Variants in FRMD4A observed in about 807,000 individuals in gnomAD.
FRMD4A encodes FERM domain containing 4A.
FRMD4A carries 29 observed loss-of-function variants against 129.1 expected under a neutral mutation model. The ratio of observed to expected loss-of-function variants is 0.22; its 90% confidence interval spans 0.17 to 0.31. The LOEUF (loss-of-function observed/expected upper bound fraction) is 0.31, where lower values mean the gene tolerates loss of function less well. Ranked by LOEUF, FRMD4A falls within the 10% of genes least tolerant of loss-of-function variation. FRMD4A has a pLI of 1.00. For synonymous variants in FRMD4A, 634 were observed against 571.6 expected (o/e 1.11, Z -1.56); for missense variants, 1,272 against 1,375.8 (o/e 0.92, Z 1.19).
intron 2 of FRMD4A, among the ~76,000 whole-genome samples, chr10:14,285,496 G>A (rs1303911038): frequency 6.6e-6 from 1 of 152,204 alleles, no homozygotes; most frequent in Non-Finnish European, 1.5e-5. Context: ...GCCCATGGAG[G>A]CATGTGGAAA....
At chr10:14,149,918 G>T (rs1174011262) in intron 2 of FRMD4A, among the ~76,000 whole-genome samples, 2 of 152,194 alleles carry the variant, frequency 1.3e-5, no homozygotes, top group African/African-American at 2.4e-5. Flanking sequence ...AAGAAAAGAG[G>T]TTTAATTGAT....
intron 2 of FRMD4A, among the ~76,000 whole-genome samples, chr10:14,123,847 A>G (rs1306267585): frequency 6.6e-6 from 1 of 152,144 alleles, no homozygotes; most frequent in African/African-American, 2.4e-5. Context: ...GCTTGCTTGT[A>G]TCTATCTAAA....
chr10:13,691,449 G>T (rs561292043), intron 15 of FRMD4A, among the ~76,000 whole-genome samples: 2 of 152,062 alleles, frequency 1.3e-5, no homozygotes, highest in Non-Finnish European at 2.9e-5. Flanking sequence ...CCAGGACACG[G>T]GCTTAAAACT....
intron 2 of FRMD4A, among the ~76,000 whole-genome samples, chr10:13,892,397 C>T (rs1401387529): frequency 2.6e-5 from 4 of 152,228 alleles, no homozygotes; most frequent in East Asian, 1.9e-4. Flanking sequence ...CAAGGCTTCG[C>T]GACAATGACT....
At chr10:14,225,015 T>C (rs1437541970) in intron 2 of FRMD4A, among the ~76,000 whole-genome samples, 1 of 152,056 alleles carries the variant, frequency 6.6e-6, no homozygotes, top group East Asian at 1.9e-4. Flanking sequence ...ACTCTAAAAA[T>C]CCCTAAAAAT....
intron 2 of FRMD4A, among the ~76,000 whole-genome samples, chr10:13,862,780 G>A (rs2094311809): frequency 6.6e-6 from 1 of 152,174 alleles, no homozygotes; most frequent in Non-Finnish European, 1.5e-5. Flanking sequence ...AGAGTATCCT[G>A]TTCTTATCAT....
intron 2 of FRMD4A, among the ~76,000 whole-genome samples, chr10:13,868,688 A>C (rs2094403905): frequency 6.6e-6 from 1 of 152,100 alleles, no homozygotes; most frequent in Non-Finnish European, 1.5e-5. Context: ...AGTCCCAGCT[A>C]CTCGGGAGGC....
chr10:13,871,683 G>C (rs1344793719), intron 2 of FRMD4A, among the ~76,000 whole-genome samples: 1 of 152,234 alleles, frequency 6.6e-6, no homozygotes, highest in Non-Finnish European at 1.5e-5. Flanking sequence ...GGCCTGCAGA[G>C]AAGGGCACGG....
intron 2 of FRMD4A, among the ~76,000 whole-genome samples, chr10:14,091,033 A>T (rs1281430575): frequency 6.6e-6 from 1 of 152,198 alleles, no homozygotes; most frequent in Non-Finnish European, 1.5e-5. Flanking sequence ...GGTCCCTGAC[A>T]GCATAGACCA....
chr10:13,959,089 A>G (rs543781087), intron 2 of FRMD4A, among the ~76,000 whole-genome samples: 1 of 152,292 alleles, frequency 6.6e-6, no homozygotes, highest in African/African-American at 2.4e-5. Flanking sequence ...ATTCTCAGCA[A>G]TGGGCACTTG....
intron 5 of FRMD4A, among the ~76,000 whole-genome samples, chr10:13,789,801 GTGT>G (rs1201900285): frequency 6.0e-5 from 9 of 150,594 alleles, no homozygotes; most frequent in African/African-American, 2.2e-4. Flanking sequence ...GTGTGTGTGT[GTGT>G]TGTGTGGTGA....
chr10:14,267,467 G>A (rs1564428362), intron 2 of FRMD4A, among the ~76,000 whole-genome samples: 1 of 152,180 alleles, frequency 6.6e-6, no homozygotes, highest in Non-Finnish European at 1.5e-5. Flanking sequence ...GATGCCAGAT[G>A]CCACAGCCTA....
chr10:13,741,125 C>T (rs1169023422), intron 9 of FRMD4A, among the ~76,000 whole-genome samples: 1 of 152,126 alleles, frequency 6.6e-6, no homozygotes, highest in Non-Finnish European at 1.5e-5. Context: ...CCATGGCTGG[C>T]TTATCTTGGA....
intron 23 of FRMD4A, chr10:13,654,055 C>A (rs915912656): frequency 4.5e-6 from 2 of 440,270 alleles, no homozygotes; most frequent in Non-Finnish European, 8.0e-6. Context: ...CTCTCTTTCT[C>A]CCCCTGACAT....
chr10:14,243,886 T>C (rs1312167556), intron 2 of FRMD4A, among the ~76,000 whole-genome samples: 1 of 149,680 alleles, frequency 6.7e-6, no homozygotes, highest in Non-Finnish European at 1.5e-5. Flanking sequence ...TACATTCAAA[T>C]AGGCATTAAG....
intron 2 of FRMD4A, among the ~76,000 whole-genome samples, chr10:13,881,205 G>T (rs2094542541): frequency 4.0e-5 from 6 of 150,662 alleles, no homozygotes; most frequent in Admixed American, 4.0e-4. Context: ...ATCGCTTGAG[G>T]TCAGAGTTCA....
At chr10:13,988,872 A>C (rs1477294546) in intron 2 of FRMD4A, among the ~76,000 whole-genome samples, 1 of 152,188 alleles carries the variant, frequency 6.6e-6, no homozygotes, top group African/African-American at 2.4e-5. Context: ...GATACTTTAG[A>C]TCCTCGACCT....
intron 13 of FRMD4A, among the ~76,000 whole-genome samples, chr10:13,702,656 A>C (rs1459959857): frequency 6.6e-6 from 1 of 152,154 alleles, no homozygotes; most frequent in Non-Finnish European, 1.5e-5. Flanking sequence ...TATGTTCTCA[A>C]GACTAACATA....
At chr10:14,084,803 A>G (rs1836163915) in intron 2 of FRMD4A, among the ~76,000 whole-genome samples, 1 of 152,076 alleles carries the variant, frequency 6.6e-6, no homozygotes, top group Non-Finnish European at 1.5e-5. Context: ...AGCCTGCTCA[A>G]CTGCTTACCC....
Sources: allele counts gnomAD v4.1 joint callset (sites outside exome capture counted in the v4.1 genomes callset), GRCh38; gene constraint gnomAD v4.1.1; transcripts MANE v1.5; gene names NCBI Gene and HGNC (gene_info 2026-07-23, HGNC 2026-07-21).